OPA1: variants seen among roughly 807,000 people sequenced by gnomAD.
OPA1 encodes dynamin-like GTPase OPA1, mitochondrial.
Under a neutral mutation model 152.9 loss-of-function variants are expected in OPA1, and 59 were observed. The observed-to-expected ratio is 0.39, with a 90% confidence interval of 0.31 to 0.48. OPA1 has a LOEUF of 0.48. Ranked by LOEUF, OPA1 falls within the 20% of genes least tolerant of loss-of-function variation. The pLI is 0.96. For missense variants in OPA1, 1,008 were observed against 1,216.8 expected (o/e 0.83, Z 2.55); for synonymous variants, 400 against 389.9 (o/e 1.03, Z -0.31).
At chr3:193,615,828 T>A (rs1728930546) in intron 3 of OPA1, 58 bp downstream of exon 3, 1 of 948,940 alleles carries the variant, frequency 1.1e-6, no homozygotes, top group Admixed American at 1.7e-5. Flanking sequence ...AGAGAAATAG[T>A]TTATTGAGAT....
chr3:193,641,852 T>A (rs565377166), intron 11 of OPA1, among the ~76,000 whole-genome samples: 1 of 152,336 alleles, frequency 6.6e-6, no homozygotes, highest in African/African-American at 2.4e-5. Flanking sequence ...CAGTGGCTCA[T>A]GCCTGTAATC....
At chr3:193,690,316 C>G (rs1424919778) in intron 29 of OPA1, among the ~76,000 whole-genome samples, 1 of 107,718 alleles carries the variant, frequency 9.3e-6, no homozygotes, top group African/African-American at 3.6e-5. Context: ...CCCCCCACCC[C>G]ACCCCACACA....
At chr3:193,659,306 A>G (rs1714662753) in intron 24 of OPA1, among the ~76,000 whole-genome samples, 176 bp from the exon 25 acceptor site, 1 of 152,216 alleles carries the variant, frequency 6.6e-6, no homozygotes, top group Admixed American at 6.5e-5. Flanking sequence ...TTAAACACAT[A>G]TATAATTAAA....
In OPA1 at chr3:193,593,334, C is replaced by A; in HGVS notation, c.-44C>A. On this transcript the variant is annotated 5_prime_UTR_variant, in exon 1 of 31. Coordinates refer to ENST00000361510, the MANE Select transcript of OPA1 (RefSeq NM_130837.3). ...CGGGCTGGGGCTCACACGGGGGCTC[C>A]CGCGTGGCCGTCTCGGCGCCTGCGT... 1 of 1,535,584 alleles carries A rather than the reference C, an allele frequency of 6.5e-7. No homozygotes were observed. The highest frequency in any genetic ancestry group is 8.8e-7 in the Non-Finnish European group (1 of 1,139,598).
intron 1 of OPA1, among the ~76,000 whole-genome samples, chr3:193,593,884 A>G (rs1360700015): frequency 6.6e-6 from 1 of 151,218 alleles, no homozygotes; most frequent in Non-Finnish European, 1.5e-5. Flanking sequence ...GGGCTCTTCT[A>G]TCGGGGAAAG....
At chr3:193,675,049 A>C (rs1253434099) in intron 29 of OPA1, among the ~76,000 whole-genome samples, 1 of 152,156 alleles carries the variant, frequency 6.6e-6, no homozygotes. Context: ...AATTGGGATA[A>C]AATTGACATA....
Position 193,643,754 on chromosome 3 carries a change from C to T in OPA1, c.1477+127C>T, listed in dbSNP as rs1577243440. 1.6e-5 allele frequency: 15 copies of T among 941,600 alleles called. No homozygotes were observed. In the East Asian group the frequency reaches 4.0e-4, roughly 25 times the overall value. 58.3% of individuals were successfully genotyped at this position (941,600 alleles called of 1,614,324 possible). On this transcript the variant is annotated intron_variant, in intron 15 of 30. Transcript: ENST00000361510. ...TGCATTTTTGCCTTCTCTTCGTATT[C>T]ATTTTATTAGTAAATTAAATTGAAG...
chr3:193,692,048 T>C lies in OPA1; in HGVS notation c.2984-15T>C. On this transcript the variant is annotated splice_polypyrimidine_tract_variant and intron_variant, in intron 29 of 30. Transcript: ENST00000361510. ...TTTGAAAAATAAATGTTTTTCTTTA[T>C]TTTTATCTCCACAGAGAAAGTTAGA... The C allele has an allele frequency of 7.0e-7, 1 of 1,426,006 alleles. No individual in the cohort carries two copies. Among genetic ancestry groups the C allele is most frequent in the Non-Finnish European group, 9.7e-7 (1 of 1,028,076 alleles). 88.3% of individuals were successfully genotyped at this position (1,426,006 alleles called of 1,614,324 possible).
At chr3:193,668,063 A>AT (rs1717039169) in intron 29 of OPA1, among the ~76,000 whole-genome samples, 1 of 152,156 alleles carries the variant, frequency 6.6e-6, no homozygotes, top group African/African-American at 2.4e-5. Context: ...GTGCAGGTGA[A>AT]TATACACACA....
chr3:193,659,059 G>A (rs1207082466), intron 24 of OPA1, 64 bp downstream of exon 24: 1 of 1,025,118 alleles, frequency 9.8e-7, no homozygotes, highest in African/African-American at 1.6e-5. Flanking sequence ...TCCAACTTTA[G>A]TGAACATTTG....
chr3:193,676,793 A>G (rs1719104952), intron 29 of OPA1, among the ~76,000 whole-genome samples: 1 of 152,126 alleles, frequency 6.6e-6, no homozygotes, highest in Non-Finnish European at 1.5e-5. Flanking sequence ...ATCCTGGCTA[A>G]CACAGTGAAA....
intron 29 of OPA1, among the ~76,000 whole-genome samples, chr3:193,679,234 T>G (rs894810496): frequency 2.6e-5 from 4 of 151,184 alleles, no homozygotes; most frequent in African/African-American, 9.7e-5. Flanking sequence ...TAGAGCCCGC[T>G]TTTGTTTTTG....
rs764122770 is a variant in OPA1, at chr3:193,638,992, AATG to A, written c.1149+930_1149+932del. Reference sequence around the variant, plus strand: ...TTAAAGATGTTTATATGCTGATTATAATGATCTAATAAAGGGGGGAAATGATGC... The same window carrying A: ...TTAAAGATGTTTATATGCTGATTATAATCTAATAAAGGGGGGAAATGATGC... On this transcript the variant is annotated intron_variant, in intron 11 of 30. Coordinates refer to ENST00000361510, the MANE Select transcript of OPA1 (RefSeq NM_130837.3). Among the ~76,000 whole-genome samples the A allele has an allele frequency of 9.8e-4, 150 of 152,290 alleles. 1 individual carries two copies. The highest frequency in any genetic ancestry group is 1.7e-3 in the Non-Finnish European group (115 of 68,010).
intron 29 of OPA1, among the ~76,000 whole-genome samples, chr3:193,680,568 G>T (rs1247299956): frequency 6.6e-6 from 1 of 152,152 alleles, no homozygotes; most frequent in Non-Finnish European, 1.5e-5. Context: ...GTCTTTGCAG[G>T]TGATAAATGA....
In OPA1 at chr3:193,643,828, C is replaced by T. The variant is rs1016226; in HGVS notation, c.1478-147C>T. 0.42 allele frequency: 407,776 copies of T among 961,940 alleles called. 88,587 individuals are homozygous for T. Among genetic ancestry groups the T allele is most frequent in the Non-Finnish European group, 0.43 (278,131 of 645,488 alleles). 59.6% of individuals were successfully genotyped at this position (961,940 alleles called of 1,614,324 possible). A position where few individuals can be genotyped will look rare whatever the true frequency, so the allele number is the denominator to read the frequency against. On this transcript the variant is annotated intron_variant, in intron 15 of 30. Transcript: ENST00000361510. Reference sequence around the variant, plus strand: ...ACATAAGCATCATTGAAATTTTTATCGGCTAGGATTTCTTTTTAGTAAATA... The same window carrying T: ...ACATAAGCATCATTGAAATTTTTATTGGCTAGGATTTCTTTTTAGTAAATA...
intron 1 of OPA1, among the ~76,000 whole-genome samples, chr3:193,597,784 C>T (rs759454631): frequency 1.3e-5 from 2 of 151,000 alleles, no homozygotes; most frequent in African/African-American, 2.4e-5. Context: ...ACTTTTTTTC[C>T]CCCTTTTAAG....
At chr3:193,655,489 CAA>C (rs1440124381) in intron 22 of OPA1, among the ~76,000 whole-genome samples, 1 of 151,764 alleles carries the variant, frequency 6.6e-6, no homozygotes, top group Non-Finnish European at 1.5e-5. Flanking sequence ...TATTAAAAAA[CAA>C]AACAAAACAA....
intron 6 of OPA1, among the ~76,000 whole-genome samples, chr3:193,623,343 T>A (rs1193792113): frequency 6.6e-6 from 1 of 152,218 alleles, no homozygotes; most frequent in Non-Finnish European, 1.5e-5. Flanking sequence ...TCAAGATTAC[T>A]TAAACTCTTC....
chr3:193,642,691 G>C (rs1251286300), intron 11 of OPA1, 74 bp from the exon 12 acceptor site: 1 of 1,120,778 alleles, frequency 8.9e-7, no homozygotes, highest in South Asian at 1.2e-5. Flanking sequence ...GCCCTGTCTA[G>C]ACCACATACG....
Sources: gnomAD v4.1 joint callset for allele counts (sites outside exome capture counted in the v4.1 genomes callset) on GRCh38, gnomAD v4.1.1 for gene constraint, MANE v1.5 for transcripts, NCBI Gene and HGNC (gene_info 2026-07-23, HGNC 2026-07-21) for gene names.